Variants in LRRK1 observed in about 807,000 individuals in gnomAD.
LRRK1 encodes the protein leucine-rich repeat serine/threonine-protein kinase 1.
LRRK1 carries 113 observed loss-of-function variants against 209.1 expected under a neutral mutation model. The observed-to-expected ratio is 0.54, with a 90% CI of 0.46 to 0.63. The LOEUF is 0.63. Among genes scored for constraint, LRRK1 ranks in the 30% least tolerant of loss-of-function variants. The pLI, the probability that LRRK1 is intolerant of heterozygous loss-of-function variation, is 0.00. For missense variants in LRRK1, 2,284 were observed against 2,632.2 expected (o/e 0.87, Z 2.89); for synonymous variants, 1,144 against 1,099.7 (o/e 1.04, Z -0.80).
intron 2 of LRRK1, among the ~76,000 whole-genome samples, chr15:100,956,455 C>CTTTTCTTTTCTT (rs2042760510): frequency 1.7e-4 from 10 of 60,514 alleles, no homozygotes; most frequent in East Asian, 9.4e-4. Context: ...TTTTTTTTTT[C>CTTTTCTTTTCTT]TTTTTTTTTT....
At chr15:101,065,293 G>C (rs913750207) in intron 31 of LRRK1, 59 bp from the exon 32 acceptor site, 17 of 1,569,574 alleles carry the variant, frequency 1.1e-5, no homozygotes, top group Admixed American at 8.5e-5. Context: ...CCTACTCTGT[G>C]TCTCTCTTGG....
intron 2 of LRRK1, among the ~76,000 whole-genome samples, chr15:100,951,560 A>T (rs1219172988): frequency 1.3e-5 from 2 of 152,222 alleles, no homozygotes; most frequent in Admixed American, 6.5e-5. Flanking sequence ...CAGCTGATGA[A>T]TAAATAAACA....
intron 20 of LRRK1, chr15:101,044,258 C>T (rs1426580166): frequency 6.6e-6 from 1 of 152,212 alleles, no homozygotes; most frequent in Non-Finnish European, 1.5e-5. Context: ...AGTTTTAAGC[C>T]TTTGTGCTTC....
intron 11 of LRRK1, 91 bp downstream of exon 11, chr15:101,014,519 C>T (rs1028862294): frequency 5.2e-5 from 45 of 866,738 alleles, no homozygotes; most frequent in African/African-American, 1.2e-4. Flanking sequence ...TGTGAGTCTG[C>T]GAGGGCTGCT....
chr15:100,992,809 C>A (rs1157201139), intron 6 of LRRK1, among the ~76,000 whole-genome samples: 1 of 152,192 alleles, frequency 6.6e-6, no homozygotes, highest in East Asian at 1.9e-4. Flanking sequence ...GCAGGGATTA[C>A]AGGTGTGCAA....
intron 2 of LRRK1, among the ~76,000 whole-genome samples, chr15:100,934,243 AAGTC>A (rs1163854538): frequency 6.6e-6 from 1 of 152,212 alleles, no homozygotes; most frequent in Non-Finnish European, 1.5e-5. Flanking sequence ...CTAGGATACT[AAGTC>A]AGTGAAAATG....
At chr15:100,933,320 T>C (rs1027546333) in intron 2 of LRRK1, among the ~76,000 whole-genome samples, 1 of 152,232 alleles carries the variant, frequency 6.6e-6, no homozygotes, top group African/African-American at 2.4e-5. Context: ...GTGAGGGTCC[T>C]CTTCCATTCC....
At chr15:101,041,994 C>A (rs2034783221) in intron 20 of LRRK1, among the ~76,000 whole-genome samples, 2 of 151,960 alleles carry the variant, frequency 1.3e-5, no homozygotes, top group South Asian at 2.1e-4. Flanking sequence ...GAAAAAGAAA[C>A]TGCAGATAAG....
At chr15:101,029,281 G>C in intron 20 of LRRK1, 49 bp downstream of exon 20, 1 of 1,546,530 alleles carries the variant, frequency 6.5e-7, no homozygotes, top group Non-Finnish European at 8.8e-7. Context: ...CTCCCCGAAA[G>C]AGGGAGTTGG....
intron 20 of LRRK1, among the ~76,000 whole-genome samples, chr15:101,044,386 C>T (rs751847893): frequency 2.0e-5 from 3 of 152,246 alleles, no homozygotes; most frequent in Non-Finnish European, 4.4e-5. Flanking sequence ...TGTGCCCTGC[C>T]AGGGTTTCAC....
intron 20 of LRRK1, among the ~76,000 whole-genome samples, chr15:101,037,246 A>G (rs2034527245): frequency 6.6e-6 from 1 of 152,190 alleles, no homozygotes; most frequent in African/African-American, 2.4e-5. Flanking sequence ...AGTGGCTGCA[A>G]TGGGCTGGTT....
chr15:100,945,291 G>A lies in LRRK1; in HGVS notation c.97+20562G>A, dbSNP rs888878251. 5.3e-5 allele frequency among the ~76,000 whole-genome samples: 8 copies of A among 152,232 alleles called. No homozygotes were observed. In the South Asian group the frequency reaches 1.2e-3, roughly 24 times the overall value. ...CCCCAATCCCTGAAAACATGTGTGC[G>A]TGTCTGTTTCCCAGTGGCTGACAAG... On this transcript the variant is annotated intron_variant, in intron 2 of 33. Transcript: ENST00000388948.
At chr15:100,985,937 G>A (rs1249628602) in intron 4 of LRRK1, among the ~76,000 whole-genome samples, 1 of 152,140 alleles carries the variant, frequency 6.6e-6, no homozygotes, top group Non-Finnish European at 1.5e-5. Flanking sequence ...GCTGGCTCAT[G>A]CCTGTAATCC....
chr15:100,947,849 A>G (rs1324688643), intron 2 of LRRK1, among the ~76,000 whole-genome samples: 1 of 152,220 alleles, frequency 6.6e-6, no homozygotes, highest in East Asian at 1.9e-4. Flanking sequence ...TCCATTTGTT[A>G]AAAAAGTAGA....
chr15:101,002,575 C>T (rs2032746215), intron 6 of LRRK1, among the ~76,000 whole-genome samples: 2 of 152,134 alleles, frequency 1.3e-5, no homozygotes, highest in East Asian at 1.9e-4. Context: ...GTAGTTTAGC[C>T]TTCATGGATA....
intron 6 of LRRK1, among the ~76,000 whole-genome samples, chr15:101,001,400 G>A (rs2032683531): frequency 6.6e-6 from 1 of 152,198 alleles, no homozygotes; most frequent in South Asian, 2.1e-4. Context: ...TGGGCCTGCT[G>A]CTCTGAGCAT....
chr15:101,053,770 C>T (rs1229856483), intron 26 of LRRK1, among the ~76,000 whole-genome samples: 5 of 145,234 alleles, frequency 3.4e-5, no homozygotes, highest in African/African-American at 1.3e-4. Context: ...TTCCCAACTG[C>T]ACACGTACAC....
chr15:101,066,035 T>C lies in LRRK1; in HGVS notation c.5598T>C (p.Ser1866=). 6.2e-7 allele frequency: 1 copy of C among 1,614,088 alleles called. No homozygotes were observed. Among genetic ancestry groups the C allele is most frequent in the Non-Finnish European group, 8.5e-7 (1 of 1,180,018 alleles). ...GCCTCCCCAGCTCCCCAGCAAGTTC[T>C]TCCAGTGTGCCTTTCTCCACCGACT... The part of the protein sequence containing the change: ...PSSLPSSPAS[S]SSVPFSTDCE... Residue 1866 remains serine, a synonymous_variant, in exon 32 of 34, where the codon TCT becomes TCC. Transcript: ENST00000388948.
At chr15:100,975,429 G>C (rs1409817755) in intron 3 of LRRK1, among the ~76,000 whole-genome samples, 3 of 152,218 alleles carry the variant, frequency 2.0e-5, no homozygotes, top group African/African-American at 4.8e-5. Flanking sequence ...ATTTGGCAAA[G>C]AGCACTCTGG....
Sources: allele counts gnomAD v4.1 joint callset (sites outside exome capture counted in the v4.1 genomes callset), GRCh38; gene constraint gnomAD v4.1.1; transcripts MANE v1.5; gene names NCBI Gene and HGNC (gene_info 2026-07-23, HGNC 2026-07-21).